The following REPS2 variants were observed in gnomAD, a reference collection of about 807,000 sequenced individuals.
REPS2 encodes the protein ralBP1-associated Eps domain-containing protein 2.
Under a neutral mutation model 53.6 loss-of-function variants are expected in REPS2, and 23 were observed. The ratio of observed to expected loss-of-function variants is 0.43; its 90% CI spans 0.31 to 0.61. The LOEUF is 0.61. Among genes scored for constraint, REPS2 ranks in the 20% least tolerant of loss-of-function variants. The pLI is 0.11. For missense variants in REPS2, 446 were observed against 534.9 expected (o/e 0.83, Z 1.64); for synonymous variants, 238 against 218.6 (o/e 1.09, Z -0.78).
chrX:17,021,984 T>G (rs939969965), intron 2 of REPS2, 139 bp from the exon 3 acceptor site: 1 of 526,473 alleles, frequency 1.9e-6, no homozygotes, highest in African/African-American at 2.3e-5. Context: ...GGAGTACTCA[T>G]TGTATCTAAA....
At chrX:17,087,566 G>C (rs900826560) in intron 13 of REPS2, among the ~76,000 whole-genome samples, 34 of 112,229 alleles carry the variant, frequency 3.0e-4, no homozygotes, top group Non-Finnish European at 5.6e-4. Flanking sequence ...TTGGTGTGGA[G>C]AAGTTGTCAT....
the REPS2 span, among the ~76,000 whole-genome samples, chrX:17,180,448 A>G: frequency 9.0e-6 from 1 of 111,213 alleles, no homozygotes; most frequent in South Asian, 3.9e-4. Flanking sequence ...AACAATGCCT[A>G]CTTTGCAGTG....
Position 17,148,635 on chromosome X carries a change from A to G in REPS2, c.*1154A>G. On this transcript the variant is annotated 3_prime_UTR_variant, in exon 18 of 18. Coordinates refer to ENST00000357277, the MANE Select transcript of REPS2 (RefSeq NM_004726.3). ...AGAGGAGCCCAATTAACTCCAGTGTAGGTAATGTAAAACAGTAAGCTCAAA... is the reference window on the plus strand; with the variant it reads ...AGAGGAGCCCAATTAACTCCAGTGTGGGTAATGTAAAACAGTAAGCTCAAA... The G allele has an allele frequency of 5.8e-6, 1 of 172,538 alleles. No homozygotes were observed. The highest frequency in any genetic ancestry group is 1.1e-4 in the South Asian group (1 of 9,272). The allele number at this position is 172,538 out of a possible 1,213,427, so 14.2% of individuals were successfully genotyped here. A position where few individuals can be genotyped will look rare whatever the true frequency, so the allele number is the denominator to read the frequency against.
At chrX:16,975,940 A>T (rs1881456130) in intron 1 of REPS2, among the ~76,000 whole-genome samples, 1 of 112,230 alleles carries the variant, frequency 8.9e-6, no homozygotes, top group Non-Finnish European at 1.9e-5. Context: ...TCACTATAAA[A>T]CTTACCATTT....
At chrX:16,976,664 G>A (rs1250883748) in intron 1 of REPS2, among the ~76,000 whole-genome samples, 2 of 111,464 alleles carry the variant, frequency 1.8e-5, no homozygotes, top group Non-Finnish European at 3.8e-5. Context: ...CTTATTTTTA[G>A]TAACATTCCT....
the REPS2 span, among the ~76,000 whole-genome samples, chrX:17,178,345 G>C: frequency 6.2e-5 from 7 of 112,257 alleles, no homozygotes; most frequent in African/African-American, 2.3e-4. Flanking sequence ...GGTTTGAACT[G>C]CTCCATTCTG....
At chrX:16,983,649 T>C (rs1423192292) in intron 1 of REPS2, among the ~76,000 whole-genome samples, 1 of 112,205 alleles carries the variant, frequency 8.9e-6, no homozygotes, top group Non-Finnish European at 1.9e-5. Flanking sequence ...ATTACAGGCA[T>C]GCGCCACCAT....
chrX:17,153,878 C>T (rs2063591194), downstream of REPS2, among the ~76,000 whole-genome samples: 1 of 111,402 alleles, frequency 9.0e-6, no homozygotes, highest in African/African-American at 3.3e-5. Context: ...TCACCAGGCC[C>T]TGACCATTCC....
rs1357265567 is a variant in REPS2 at position 17,145,732 on chromosome X, C to T, written c.1915-1681C>T. On this transcript the variant is annotated intron_variant, in intron 17 of 17. Transcript: ENST00000357277. ...GTTGCTCCCCTGCTTCCACTCTCATCCTGCTATAATCTACTGTCTACACAG... is the reference window on the plus strand; with the variant it reads ...GTTGCTCCCCTGCTTCCACTCTCATTCTGCTATAATCTACTGTCTACACAG... Among the ~76,000 whole-genome samples the T allele has an allele frequency of 1.2e-4, 13 of 111,747 alleles. No individual in the cohort carries two copies. The Admixed American group carries it at 1.2e-3, about 11-fold the overall frequency.
chrX:17,025,270 T>A, intron 4 of REPS2, 85 bp downstream of exon 4: 1 of 949,380 alleles, frequency 1.1e-6, no homozygotes, highest in Non-Finnish European at 1.4e-6. Flanking sequence ...TCAAGCTGCT[T>A]AATTTCCTGA....
intron 16 of REPS2, 91 bp from the exon 17 acceptor site, chrX:17,138,765 A>G: frequency 2.1e-6 from 1 of 471,662 alleles, no homozygotes; most frequent in East Asian, 4.1e-5. Flanking sequence ...ACCACTTGTT[A>G]GTTTAACACC....
At chrX:16,966,337 A>G (rs367806108) in intron 1 of REPS2, among the ~76,000 whole-genome samples, 1 of 112,240 alleles carries the variant, frequency 8.9e-6, no homozygotes, top group Admixed American at 9.4e-5. Context: ...TTTGAGACCT[A>G]AAAGTAATAC....
At chrX:17,003,304 T>C (rs1202473007) in intron 1 of REPS2, among the ~76,000 whole-genome samples, 1 of 111,855 alleles carries the variant, frequency 8.9e-6, no homozygotes, top group Non-Finnish European at 1.9e-5. Flanking sequence ...TTGAGGTGAC[T>C]TGAAGAATGA....
chrX:17,047,264 A>G, intron 5 of REPS2, 83 bp from the exon 6 acceptor site: 1 of 1,055,973 alleles, frequency 9.5e-7, no homozygotes, highest in East Asian at 3.1e-5. Context: ...ATAACACATG[A>G]TAACTTTTAT....
intron 14 of REPS2, among the ~76,000 whole-genome samples, chrX:17,128,232 G>C (rs1352555089): frequency 1.8e-5 from 2 of 111,586 alleles, no homozygotes; most frequent in Non-Finnish European, 3.8e-5. Flanking sequence ...GGGAAGAAAA[G>C]TAGGGAAGGG....
chrX:16,946,735 T>C lies in REPS2; in HGVS notation c.-127T>C, dbSNP rs867320226. On this transcript the variant is annotated 5_prime_UTR_variant, in exon 1 of 18. Transcript: ENST00000357277. ...CGGCAGCTGCGGGGCGTGGGGGTGG[T>C]GGTGGCGGCGGCGGTGGTGGCGGCG... 11 of 670,522 alleles carry C rather than the reference T, an allele frequency of 1.6e-5. No homozygotes were observed. Among genetic ancestry groups the C allele is most frequent in the Non-Finnish European group, 1.7e-5 (10 of 573,388 alleles). The allele number at this position is 670,522 out of a possible 1,213,427, so 55.3% of individuals were successfully genotyped here. A position where few individuals can be genotyped will look rare whatever the true frequency, so the allele number is the denominator to read the frequency against.
chrX:17,156,996 C>A (rs146476685), downstream of REPS2, among the ~76,000 whole-genome samples: 955 of 110,519 alleles, frequency 8.6e-3, 13 homozygotes, highest in African/African-American at 0.031. Context: ...ATCTATTTTC[C>A]CCCAAAATAT....
intron 14 of REPS2, among the ~76,000 whole-genome samples, chrX:17,127,533 G>T (rs2063231469): frequency 9.0e-6 from 1 of 111,694 alleles, no homozygotes; most frequent in East Asian, 2.8e-4. Context: ...GCCTGCTGTG[G>T]CATAGAGAAG....
intron 16 of REPS2, chrX:17,137,565 T>C (rs1317986391): frequency 1.8e-5 from 2 of 112,336 alleles, no homozygotes; most frequent in Non-Finnish European, 3.8e-5. Context: ...TCTTTGTAAA[T>C]ATTTTCTCTC....
Sources: gnomAD v4.1 joint callset for allele counts (sites outside exome capture counted in the v4.1 genomes callset) on GRCh38, gnomAD v4.1.1 for gene constraint, MANE v1.5 for transcripts, NCBI Gene and HGNC (gene_info 2026-07-23, HGNC 2026-07-21) for gene names.